The following KMT2D variants were observed in gnomAD, a reference collection of about 807,000 sequenced individuals.
The protein encoded by KMT2D is histone-lysine N-methyltransferase 2D.
In KMT2D, 55 loss-of-function variants were observed where a neutral mutation model predicts 512.7. That is an observed-to-expected ratio of 0.11 (90% CI 0.09 to 0.13). The LOEUF (loss-of-function observed/expected upper bound fraction) is 0.13, where lower values mean the gene tolerates loss of function less well. KMT2D is among the 10% of genes least tolerant of loss of function. The pLI is 1.00. For missense variants in KMT2D, 6,061 were observed against 7,127.9 expected (o/e 0.85, Z 5.39); for synonymous variants, 2,995 against 2,904.0 (o/e 1.03, Z -1.01).
At position 49,022,612 on chromosome 12, in the gene KMT2D, C is replaced by T. The variant is rs1942384389; in HGVS notation, c.16316G>A (p.Arg5439Gln). ...TIIRNEVANRREKIYEEQNRG... is the reference protein window; with the variant it reads ...TIIRNEVANRQEKIYEEQNRG... ...TACCTGCTCTTCGTAGATTTTCTCCCGCCGGTTGGCCACCTCGTTCCGAAT... is the reference window on the plus strand; with the variant it reads ...TACCTGCTCTTCGTAGATTTTCTCCTGCCGGTTGGCCACCTCGTTCCGAAT... Residue 5439 changes from arginine (R) to glutamine (Q), a missense_variant, in exon 52 of 55, where the codon CGG becomes CAG. By Grantham distance (43) the Arg-to-Gln change is conservative. This residue lies in a region of KMT2D where 44 missense variants were observed against 194.7 expected (regional missense o/e 0.23). Coordinates refer to ENST00000301067, the MANE Select transcript of KMT2D (RefSeq NM_003482.4). This position sits in a 1 kb window ranked among gnomAD's most constrained non-coding sequence, Gnocchi z 8.6. The T allele has an allele frequency of 1.9e-6, 3 of 1,613,808 alleles. No homozygotes were observed. The highest frequency in any genetic ancestry group is 2.2e-5 in the East Asian group (1 of 44,880).
Position 49,048,083 on chromosome 12 carries a change from G to C in KMT2D, c.4132-14C>G, listed in dbSNP as rs1282557893. On this transcript the variant is annotated splice_polypyrimidine_tract_variant and intron_variant, in intron 14 of 54. Transcript: ENST00000301067. ...CACACACATGTCCTGGGGAAACACAGAGAAACCCAAATGTCCAACTAGATC... is the reference window on the plus strand; with the variant it reads ...CACACACATGTCCTGGGGAAACACACAGAAACCCAAATGTCCAACTAGATC... 6.4e-7 allele frequency: 1 copy of C among 1,564,876 alleles called. No individual in the cohort carries two copies. Among genetic ancestry groups the C allele is most frequent in the East Asian group, 2.3e-5 (1 of 44,050 alleles).
Position 49,039,318 on chromosome 12 carries a change from C to T in KMT2D, c.8270G>A (p.Ser2757Asn). Residue 2757 changes from serine (S) to asparagine (N), a missense_variant, in exon 34 of 55, where the codon AGT (serine) becomes AAT (asparagine). Physicochemically the swap from Ser to Asn is conservative, Grantham distance 46. Coordinates refer to ENST00000301067, the MANE Select transcript of KMT2D (RefSeq NM_003482.4). This position sits in a 1 kb window ranked among gnomAD's most constrained non-coding sequence, Gnocchi z 5.0. ...GGACCCTGGCCCCAGGATGGGGCCACTCAGCTTGCTTGGGGGCAACCCCAC... is the reference window on the plus strand; with the variant it reads ...GGACCCTGGCCCCAGGATGGGGCCATTCAGCTTGCTTGGGGGCAACCCCAC... ...SLVGLPPSKL[S>N]GPILGPGSFP... 6.2e-7 allele frequency: 1 copy of T among 1,613,668 alleles called. No individual in the cohort carries two copies. Among genetic ancestry groups the T allele is most frequent in the Non-Finnish European group, 8.5e-7 (1 of 1,179,768 alleles).
rs1565806125 is a variant in KMT2D, at chr12:49,045,975, G to A, written c.4694-8C>T. The A allele has an allele frequency of 1.2e-6, 2 of 1,613,950 alleles. No homozygotes were observed. Among genetic ancestry groups the A allele is most frequent in the South Asian group, 2.2e-5 (2 of 91,072 alleles). ...CTGGAGGTGCAACAGGCGCTATGGA[G>A]AGAAGGACAAACGGAGGTGGCTGAG... On this transcript the variant is annotated splice_region_variant and splice_polypyrimidine_tract_variant and intron_variant, in intron 18 of 54. Transcript: ENST00000301067.
rs758229212 is a variant in KMT2D, at chr12:49,051,905, G to C, written c.1778C>G (p.Pro593Arg). 6.2e-7 allele frequency: 1 copy of C among 1,613,290 alleles called. No homozygotes were observed. Among genetic ancestry groups the C allele is most frequent in the South Asian group, 1.1e-5 (1 of 91,048 alleles). ...PPPEESPMSPPPEASRLFPPF... is the reference protein window; with the variant it reads ...PPPEESPMSPRPEASRLFPPF... ...TGGGAACAGACGAGATGCCTCCGGTGGTGGAGACATGGGTGACTCTTCAGG... is the reference window on the plus strand; with the variant it reads ...TGGGAACAGACGAGATGCCTCCGGTCGTGGAGACATGGGTGACTCTTCAGG... The change falls in exon 11 of 55, where the codon CCA (proline) becomes CGA (arginine). Residue 593 changes from proline to arginine, a missense_variant. Pro to Arg is a moderately radical substitution (Grantham distance 103). Around this residue, in one of 16 missense-constraint regions of KMT2D, gnomAD observed 848 missense variants for 838.5 expected, o/e 1.01. Transcript: ENST00000301067.
At position 49,044,126 on chromosome 12, in the gene KMT2D, G is replaced by A. The variant is rs974752152; in HGVS notation, c.5188+74C>T. Reference sequence around the variant, plus strand: ...CTACCACCCTCTTGGCCCTTTCAATGAGTCCACCCCCTGGGTCTCTCTAGC... The same window carrying A: ...CTACCACCCTCTTGGCCCTTTCAATAAGTCCACCCCCTGGGTCTCTCTAGC... On this transcript the variant is annotated intron_variant, in intron 22 of 54. Transcript: ENST00000301067. The surrounding 1 kb of genome is among the most constrained non-coding windows in gnomAD (Gnocchi z 6.4). 6.3e-7 allele frequency: 1 copy of A among 1,584,310 alleles called. No homozygotes were observed. Among genetic ancestry groups the A allele is most frequent in the East Asian group, 2.2e-5 (1 of 44,572 alleles).
Position 49,038,798 on chromosome 12 carries a change from G to A in KMT2D, c.8558C>T (p.Pro2853Leu), listed in dbSNP as rs754988293. The A allele has an allele frequency of 1.5e-5, 23 of 1,580,724 alleles. No individual in the cohort carries two copies. The highest frequency in any genetic ancestry group is 5.5e-5 in the Admixed American group (3 of 54,438). Reference sequence around the variant, plus strand: ...CAGACGGGTGGAAATTCCCGCCAACGGGGAACCTAGGGCTTGGCGGCCAAG... The same window carrying A: ...CAGACGGGTGGAAATTCCCGCCAACAGGGAACCTAGGGCTTGGCGGCCAAG... ...PELGRQALGS[P>L]LAGISTRLPG... The change falls in exon 35 of 55, where the codon CCG (proline) becomes CTG (leucine). Residue 2853 changes from proline (P) to leucine (L), a missense_variant. By Grantham distance (98) the Pro-to-Leu change is moderately conservative. Coordinates refer to ENST00000301067, the MANE Select transcript of KMT2D (RefSeq NM_003482.4). The surrounding 1 kb of genome is among the most constrained non-coding windows in gnomAD (Gnocchi z 5.7).
In KMT2D at chr12:49,024,913, G is replaced by C. The variant is rs774736452; in HGVS notation, c.15818C>G (p.Ala5273Gly). Residue 5273 changes from alanine (A) to glycine (G), a missense_variant, in exon 50 of 55, where the codon GCC (alanine) becomes GGC (glycine). Coordinates refer to ENST00000301067, the MANE Select transcript of KMT2D (RefSeq NM_003482.4). This position sits in a 1 kb window ranked among gnomAD's most constrained non-coding sequence, Gnocchi z 4.5. ...VWNRIIEPVA[A>G]MRKEADMLRL... ...CAGCATGTCAGCCTCTTTTCTCATG[G>C]CAGCCACAGGCTCAATGATGCGATT... The C allele has an allele frequency of 6.3e-7, 1 of 1,598,194 alleles. No homozygotes were observed. Among genetic ancestry groups the C allele is most frequent in the Non-Finnish European group, 8.5e-7 (1 of 1,172,606 alleles).
In KMT2D at chr12:49,026,750, G is replaced by C. The variant is rs1395504061; in HGVS notation, c.15216C>G (p.Thr5072=). The change falls in exon 49 of 55, where the codon ACC becomes ACG. Residue 5072 remains threonine (T), a synonymous_variant. Coordinates refer to ENST00000301067, the MANE Select transcript of KMT2D (RefSeq NM_003482.4). The surrounding 1 kb of genome is among the most constrained non-coding windows in gnomAD (Gnocchi z 9.6). ...CCACATTCATCAGTGCCCCGCCCTG[G>C]GTCTCATACACCTCCGTGGACCAAA... ...CALWSTEVYE[T]QGGALMNVEV... is the part of the protein sequence containing the mutation. The C allele has an allele frequency of 6.2e-7, 1 of 1,613,444 alleles. No individual in the cohort carries two copies. The highest frequency in any genetic ancestry group is 8.5e-7 in the Non-Finnish European group (1 of 1,179,578).
chr12:49,054,455 T>G lies in KMT2D; in HGVS notation c.401-39A>C. On this transcript the variant is annotated intron_variant, in intron 4 of 54. Transcript: ENST00000301067. The surrounding 1 kb of genome is among the most constrained non-coding windows in gnomAD (Gnocchi z 6.4). ...AAGAGGTAAAGAGAAAGGAAAGAAT[T>G]AACAAAAAGAGGATTGCTGGCTCAG... The G allele has an allele frequency of 6.4e-7, 1 of 1,567,698 alleles. No homozygotes were observed. The highest frequency in any genetic ancestry group is 8.7e-7 in the Non-Finnish European group (1 of 1,155,336).
In KMT2D at chr12:49,042,034, C is replaced by T. The variant is rs1325741581; in HGVS notation, c.6110-44G>A. On this transcript the variant is annotated intron_variant, in intron 29 of 54. Coordinates refer to ENST00000301067, the MANE Select transcript of KMT2D (RefSeq NM_003482.4). This position sits in a 1 kb window ranked among gnomAD's most constrained non-coding sequence, Gnocchi z 4.4. ...GAGTCAGAGAAGACTTGGCAGGCGA[C>T]TCCTCCACCTGCCATGTTGCCAGGC... is the stretch of plus-strand genomic sequence containing the variant. The T allele has an allele frequency of 1.9e-6, 3 of 1,611,576 alleles. No homozygotes were observed. Among genetic ancestry groups the T allele is most frequent in the African/African-American group, 1.3e-5 (1 of 75,002 alleles).
chr12:49,030,955 T>C lies in KMT2D; in HGVS notation c.13609A>G (p.Lys4537Glu). 1 of 1,613,972 alleles carries C rather than the reference T, an allele frequency of 6.2e-7. No individual in the cohort carries two copies. Among genetic ancestry groups the C allele is most frequent in the Non-Finnish European group, 8.5e-7 (1 of 1,179,870 alleles). The change falls in exon 41 of 55, where the codon AAG becomes GAG. Residue 4537 changes from lysine to glutamate, a missense_variant. Lys to Glu is a moderately conservative substitution (Grantham distance 56). Around this residue, in one of 16 missense-constraint regions of KMT2D, gnomAD observed 1,600 missense variants for 1,754.9 expected, o/e 0.91. Coordinates refer to ENST00000301067, the MANE Select transcript of KMT2D (RefSeq NM_003482.4). ...KASDRLVSSR[K>E]KLRKEDGVRA... The stretch of plus-strand genomic sequence containing the variant: ...ACCCCGTCCTCCTTCCGCAGCTTCT[T>C]TCGGGAGCTCACCAACCTGTCGCTT...
chr12:49,031,805 T>C lies in KMT2D; in HGVS notation c.12900A>G (p.Pro4300=). 2 of 1,594,032 alleles carry C rather than the reference T, an allele frequency of 1.3e-6. No homozygotes were observed. The highest frequency in any genetic ancestry group is 1.7e-6 in the Non-Finnish European group (2 of 1,169,034). ...PAPPGALSTG[P]VLGPVHPTPP... is the part of the protein sequence containing the mutation. ...GTGTGGGATGGACAGGGCCAAGGAC[T>C]GGTCCTGTAGATAAGGCTCCTGGTG... The change falls in exon 40 of 55, where the codon CCA becomes CCG. Residue 4300 remains proline, a synonymous_variant. Coordinates refer to ENST00000301067, the MANE Select transcript of KMT2D (RefSeq NM_003482.4).
In KMT2D at chr12:49,024,973, TCA is replaced by T. The variant is rs1380197405; in HGVS notation, c.15785-29_15785-28del. ...TAAGAAGCAGGGAAGAGAGCAGTCC[TCA>T]GAGGCAACTTCTGCTCACTGACCTC... On this transcript the variant is annotated intron_variant, in intron 49 of 54. Coordinates refer to ENST00000301067, the MANE Select transcript of KMT2D (RefSeq NM_003482.4). This position sits in a 1 kb window ranked among gnomAD's most constrained non-coding sequence, Gnocchi z 4.5. The T allele has an allele frequency of 1.9e-6, 3 of 1,574,758 alleles. No homozygotes were observed. Among genetic ancestry groups the T allele is most frequent in the Non-Finnish European group, 2.6e-6 (3 of 1,159,864 alleles).
chr12:49,025,857 C>T (rs1391970751), intron 49 of KMT2D, among the ~76,000 whole-genome samples: 1 of 152,102 alleles, frequency 6.6e-6, no homozygotes, highest in East Asian at 1.9e-4. Flanking sequence ...GAAAAACAAC[C>T]CCAAGGAACT....
Position 49,054,548 on chromosome 12 carries a change from G to A in KMT2D, c.380C>T (p.Ala127Val), listed in dbSNP as rs1170211759. Residue 127 changes from alanine to valine, a missense_variant, in exon 4 of 55, where the codon GCC (alanine) becomes GTC (valine). Around this residue, in one of 16 missense-constraint regions of KMT2D, gnomAD observed 144 missense variants for 165.7 expected, o/e 0.87. Transcript: ENST00000301067. This position sits in a 1 kb window ranked among gnomAD's most constrained non-coding sequence, Gnocchi z 6.4. ...CTCACCTCCAGGTTCTCCTAGGTGGGCAGGTGTAAGGCCCTCAGGGAAACC... is the reference window on the plus strand; with the variant it reads ...CTCACCTCCAGGTTCTCCTAGGTGGACAGGTGTAAGGCCCTCAGGGAAACC... ...QIGFPEGLTP[A>V]HLGEPGGSCW... 1.2e-6 allele frequency: 2 copies of A among 1,611,526 alleles called. No homozygotes were observed. The highest frequency in any genetic ancestry group is 2.2e-5 in the East Asian group (1 of 44,814).
At position 49,054,669 on chromosome 12, in the gene KMT2D, A is replaced by G. The variant is rs1328544199; in HGVS notation, c.259T>C (p.Leu87=). The change falls in exon 4 of 55, where the codon TTG becomes CTG. Residue 87 remains leucine, a synonymous_variant. Coordinates refer to ENST00000301067, the MANE Select transcript of KMT2D (RefSeq NM_003482.4). This position sits in a 1 kb window ranked among gnomAD's most constrained non-coding sequence, Gnocchi z 6.4. The part of the protein sequence containing the change: ...HGQRELRRFE[L]PFDWPRCPVV... ...GGACACCGGGGCCAATCAAATGGCAACTCAAAGCGCCGTAGCTCCCGCTGC... is the reference window on the plus strand; with the variant it reads ...GGACACCGGGGCCAATCAAATGGCAGCTCAAAGCGCCGTAGCTCCCGCTGC... The G allele has an allele frequency of 3.7e-6, 6 of 1,612,714 alleles. No individual in the cohort carries two copies. Among genetic ancestry groups the G allele is most frequent in the Non-Finnish European group, 5.1e-6 (6 of 1,179,322 alleles).
rs745978081 is a variant in KMT2D, at chr12:49,049,181, C to T, written c.3944G>A (p.Arg1315His). 2.5e-6 allele frequency: 4 copies of T among 1,609,042 alleles called. No homozygotes were observed. Among genetic ancestry groups the T allele is most frequent in the Middle Eastern group, 1.7e-4 (1 of 6,052 alleles). The change falls in exon 13 of 55, where the codon CGT becomes CAT. Residue 1315 changes from arginine (R) to histidine (H), a missense_variant. By Grantham distance (29) the Arg-to-His change is conservative. Around this residue, in one of 16 missense-constraint regions of KMT2D, gnomAD observed 447 missense variants for 500.1 expected, o/e 0.89. Transcript: ENST00000301067. The part of the protein sequence containing the change: ...SSSFPGRRRP[R>H]GGAHGGRGRG... ...ACCACGTCCTCCATGGGCTCCTCCACGAGGCCGGCGTCTTCCTGGGAAACT... is the reference window on the plus strand; with the variant it reads ...ACCACGTCCTCCATGGGCTCCTCCATGAGGCCGGCGTCTTCCTGGGAAACT...
At position 49,032,591 on chromosome 12, in the gene KMT2D, A is replaced by G. The variant is rs1288362534; in HGVS notation, c.12114T>C (p.Thr4038=). The G allele has an allele frequency of 1.2e-6, 2 of 1,613,804 alleles. No individual in the cohort carries two copies. The highest frequency in any genetic ancestry group is 1.7e-6 in the Non-Finnish European group (2 of 1,179,816). ...TVDPAVSSEA[T]EGPSTHQGGP... ...CTCCCTGATGTGTAGAGGGCCCCTCAGTGGCCTCTGAAGAAACGGCTGGGT... is the reference window on the plus strand; with the variant it reads ...CTCCCTGATGTGTAGAGGGCCCCTCGGTGGCCTCTGAAGAAACGGCTGGGT... The change falls in exon 40 of 55, where the codon ACT becomes ACC. Residue 4038 remains threonine (T), a synonymous_variant. Transcript: ENST00000301067.
rs398123705 is a variant in KMT2D, at chr12:49,033,555, T to C, written c.11150A>G (p.Gln3717Arg). ...RSLGPDSRLL[Q>R]ERQLQLQQQR... ...CTGCTGCAGCTGCAGCTGCCTTTCC[T>C]GTAAAAGCCTTGAATCAGGTCCGAG... Residue 3717 changes from glutamine (Q) to arginine (R), a missense_variant, in exon 40 of 55, where the codon CAG becomes CGG. Gln to Arg is a conservative substitution (Grantham distance 43, BLOSUM62 1). Transcript: ENST00000301067. The C allele has an allele frequency of 1.2e-6, 2 of 1,613,536 alleles. No individual in the cohort carries two copies. The highest frequency in any genetic ancestry group is 1.7e-5 in the Admixed American group (1 of 60,024).
Sources: gnomAD v4.1 joint callset for allele counts (sites outside exome capture counted in the v4.1 genomes callset) on GRCh38, gnomAD v4.1.1 for gene constraint, gnomAD v4.1.1 regional missense constraint, Gnocchi (gnomAD v3.1) non-coding constraint, MANE v1.5 for transcripts, NCBI Gene and HGNC (gene_info 2026-07-23, HGNC 2026-07-21) for gene names.